Variants in NDUFAF5 observed in about 807,000 individuals in gnomAD.
NDUFAF5 encodes the protein arginine-hydroxylase NDUFAF5, mitochondrial.
A neutral mutation model predicts 48.9 loss-of-function variants in NDUFAF5; 34 were observed. The observed-to-expected ratio is 0.70, with a 90% CI of 0.53 to 0.93. NDUFAF5 has a LOEUF of 0.93. Ranked by LOEUF, NDUFAF5 falls within the 40% of genes least tolerant of loss-of-function variation. The pLI is 0.00. For missense variants in NDUFAF5, 428 were observed against 427.5 expected (o/e 1.00, Z -0.01); for synonymous variants, 153 against 150.6 (o/e 1.02, Z -0.12).
intron 8 of NDUFAF5, among the ~76,000 whole-genome samples, chr20:13,809,558 TGATGACCTTGGTGGGTCAACGTGA>T (rs1985563678): frequency 6.6e-6 from 1 of 152,210 alleles, no homozygotes. Flanking sequence ...GAGAGTTAAG[TGATGACCTTGGTGGGTCAACGTGA>T]GTCACAGATC....
At chr20:13,789,945 C>T (rs557692773) in intron 3 of NDUFAF5, among the ~76,000 whole-genome samples, 10 of 152,046 alleles carry the variant, frequency 6.6e-5, no homozygotes, top group Admixed American at 1.3e-4. Context: ...AAGAAAAAAT[C>T]AGTAGGAGTT....
At chr20:13,802,671 C>CA (rs11472201) in intron 7 of NDUFAF5, among the ~76,000 whole-genome samples, 57,574 of 102,260 alleles carry the variant, frequency 0.56, 15,999 homozygotes, top group Non-Finnish European at 0.62. Context: ...ATTCCCGTCT[C>CA]AAAAAAAAAA....
rs6110039 is a variant in NDUFAF5, at chr20:13,787,405, G to A, written c.263+53G>A. The A allele has an allele frequency of 2.9e-5, 44 of 1,536,408 alleles. No individual in the cohort carries two copies. In the East Asian group the frequency reaches 3.1e-4, roughly 11 times the overall value. On this transcript the variant is annotated intron_variant, in intron 2 of 10. Coordinates refer to ENST00000378106, the MANE Select transcript of NDUFAF5 (RefSeq NM_024120.5). The stretch of plus-strand genomic sequence containing the variant: ...CCATCAACTTTTGAGTGGAAATTCA[G>A]GAGATTAAATGCTGAGAACTTGCTA...
chr20:13,815,559 A>G (rs1986360308), intron 8 of NDUFAF5, among the ~76,000 whole-genome samples: 1 of 152,228 alleles, frequency 6.6e-6, no homozygotes, highest in East Asian at 1.9e-4. Flanking sequence ...TGTTTTTAAT[A>G]AGACCATTGA....
Position 13,817,850 on chromosome 20 carries a change from A to G in NDUFAF5, c.*640A>G. 2.2e-6 allele frequency: 1 copy of G among 454,110 alleles called. No homozygotes were observed. The highest frequency in any genetic ancestry group is 1.6e-5 in the South Asian group (1 of 64,474). 28.1% of individuals were successfully genotyped at this position (454,110 alleles called of 1,614,324 possible). A position where few individuals can be genotyped will look rare whatever the true frequency, so the allele number is the denominator to read the frequency against. On this transcript the variant is annotated 3_prime_UTR_variant, in exon 11 of 11. Coordinates refer to ENST00000378106, the MANE Select transcript of NDUFAF5 (RefSeq NM_024120.5). ...GCTTTCCTTTGTAATTTCAGGGCTT[A>G]AGCACTATTATCCTAATCCAAGTTC... is the stretch of plus-strand genomic sequence containing the variant.
chr20:13,801,785 C>A, intron 7 of NDUFAF5, 102 bp downstream of exon 7: 1 of 973,400 alleles, frequency 1.0e-6, no homozygotes, highest in South Asian at 1.4e-5. Context: ...TTTCATGGCA[C>A]TCTTTCTCTC....
At chr20:13,795,612 A>C (rs1208610681) in intron 5 of NDUFAF5, among the ~76,000 whole-genome samples, 1 of 152,166 alleles carries the variant, frequency 6.6e-6, no homozygotes, top group Non-Finnish European at 1.5e-5. Context: ...TGAACCCAGG[A>C]GTTCGAGACC....
chr20:13,793,749 C>A (rs1982724387), intron 4 of NDUFAF5, among the ~76,000 whole-genome samples: 1 of 152,074 alleles, frequency 6.6e-6, no homozygotes, highest in African/African-American at 2.4e-5. Context: ...GGTATAAATT[C>A]CTGGTAGCGG....
chr20:13,808,649 A>G (rs1864653101), intron 7 of NDUFAF5, among the ~76,000 whole-genome samples, 193 bp from the exon 8 acceptor site: 2 of 152,232 alleles, frequency 1.3e-5, no homozygotes. Context: ...TTCTCTCACA[A>G]TGCAGGATAT....
intron 7 of NDUFAF5, among the ~76,000 whole-genome samples, chr20:13,805,982 A>G (rs1275094536): frequency 6.6e-6 from 1 of 152,152 alleles, no homozygotes; most frequent in East Asian, 1.9e-4. Context: ...TTCCCATCCA[A>G]AAAAGCTTTT....
intron 5 of NDUFAF5, among the ~76,000 whole-genome samples, chr20:13,796,804 C>A: frequency 6.6e-6 from 1 of 152,138 alleles, no homozygotes; most frequent in East Asian, 1.9e-4. Flanking sequence ...CGTGGTGAAA[C>A]CCTGTCTTTA....
Position 13,817,400 on chromosome 20 carries a change from G to C in NDUFAF5, c.*190G>C. ...TTTCATATTGTTTCTGTTCTCATAAGGATACTGCTGAGTGTCTTTGCAGAT... is the reference window on the plus strand; with the variant it reads ...TTTCATATTGTTTCTGTTCTCATAACGATACTGCTGAGTGTCTTTGCAGAT... On this transcript the variant is annotated 3_prime_UTR_variant, in exon 11 of 11. Coordinates refer to ENST00000378106, the MANE Select transcript of NDUFAF5 (RefSeq NM_024120.5). 1.5e-6 allele frequency: 1 copy of C among 688,762 alleles called. No homozygotes were observed. The allele number at this position is 688,762 out of a possible 1,614,324, so 42.7% of individuals were successfully genotyped here. A position where few individuals can be genotyped will look rare whatever the true frequency, so the allele number is the denominator to read the frequency against.
chr20:13,808,691 A>G (rs1985424860), intron 7 of NDUFAF5, 151 bp from the exon 8 acceptor site: 1 of 599,376 alleles, frequency 1.7e-6, no homozygotes, highest in Non-Finnish European at 3.0e-6. Context: ...TCATAAATCA[A>G]ACATAAGCCA....
chr20:13,804,574 C>T (rs6042365), intron 7 of NDUFAF5, among the ~76,000 whole-genome samples: 25,917 of 151,998 alleles, frequency 0.17, 2,898 homozygotes, highest in East Asian at 0.43. Flanking sequence ...CCTTAATTTC[C>T]GCATATTATT....
intron 7 of NDUFAF5, chr20:13,803,043 A>T (rs1344597575): frequency 1.3e-5 from 2 of 152,388 alleles, no homozygotes; most frequent in East Asian, 3.8e-4. Context: ...ATTAGAGATG[A>T]TAAGCTTAAA....
chr20:13,803,760 T>C (rs1984565054), intron 7 of NDUFAF5, among the ~76,000 whole-genome samples: 1 of 152,198 alleles, frequency 6.6e-6, no homozygotes, highest in Admixed American at 6.5e-5. Context: ...ATGACCCTTT[T>C]TAATAAAAAA....
chr20:13,815,277 C>T (rs1986330292), intron 8 of NDUFAF5, among the ~76,000 whole-genome samples: 1 of 152,168 alleles, frequency 6.6e-6, no homozygotes, highest in Non-Finnish European at 1.5e-5. Flanking sequence ...AAAATGTGAG[C>T]ACTAGAAGCC....
chr20:13,791,999 T>C (rs184783831), intron 3 of NDUFAF5, among the ~76,000 whole-genome samples: 13 of 152,324 alleles, frequency 8.5e-5, no homozygotes, highest in African/African-American at 2.6e-4. Flanking sequence ...ATTTATACCA[T>C]GGAAGTTGGC....
chr20:13,810,274 A>G (rs1331310668), intron 8 of NDUFAF5, among the ~76,000 whole-genome samples: 2 of 152,254 alleles, frequency 1.3e-5, no homozygotes, highest in African/African-American at 4.8e-5. Context: ...GGTGTTCCAG[A>G]AAAACACCAG....
Sources: gnomAD v4.1 joint callset for allele counts (sites outside exome capture counted in the v4.1 genomes callset) on GRCh38, gnomAD v4.1.1 for gene constraint, MANE v1.5 for transcripts, NCBI Gene and HGNC (gene_info 2026-07-23, HGNC 2026-07-21) for gene names.